Variants in ZNF799 observed in about 807,000 individuals in gnomAD.
ZNF799 encodes the protein zinc finger protein 799, also known as zinc finger protein 14.
A neutral mutation model predicts 41.0 loss-of-function variants in ZNF799; 28 were observed. The observed-to-expected ratio is 0.68, with a 90% CI of 0.51 to 0.94. The LOEUF (loss-of-function observed/expected upper bound fraction) is 0.94. Among genes scored for constraint, ZNF799 ranks in the 40% least tolerant of loss-of-function variants. The pLI, the probability that ZNF799 is intolerant of heterozygous loss-of-function variation, is 0.00. For missense variants in ZNF799, 716 were observed against 764.3 expected (o/e 0.94, Z 0.74); for synonymous variants, 213 against 252.9 (o/e 0.84, Z 1.50).
rs745931692 is a variant in ZNF799, at chr19:12,391,920, C to A, written c.478G>T (p.Glu160Ter). ...GGTTTCTTTCCAGTGTGAAGCCTCT[C>A]ATGTGTTTGAAGTGAGTTGTGGTAA... ...FSYHNSLQTH[E>*]RLHTGKKPYN... The change falls in exon 4 of 4, where the codon GAG becomes TAG. Residue 160 changes from glutamate (E) to a stop codon, truncating the protein, a stop_gained. Coordinates refer to ENST00000430385, the MANE Select transcript of ZNF799 (RefSeq NM_001080821.3). LOFTEE classifies it low-confidence loss of function (END_TRUNC). The A allele has an allele frequency of 6.2e-7, 1 of 1,614,202 alleles. No individual in the cohort carries two copies. The highest frequency in any genetic ancestry group is 1.1e-5 in the South Asian group (1 of 91,084).
intron 1 of ZNF799, among the ~76,000 whole-genome samples, chr19:12,400,144 CAGT>C (rs1969954349): frequency 6.6e-6 from 1 of 152,162 alleles, no homozygotes; most frequent in Admixed American, 6.5e-5. Flanking sequence ...TGAGAGAACA[CAGT>C]GGTGGATTTG....
chr19:12,397,933 T>C (rs1599608462), intron 1 of ZNF799, among the ~76,000 whole-genome samples: 1 of 151,964 alleles, frequency 6.6e-6, no homozygotes, highest in African/African-American at 2.4e-5. Flanking sequence ...TATGAAAAAA[T>C]ATACTCCATT....
At chr19:12,394,730 ATACT>A (rs1486626666) in intron 1 of ZNF799, 66 of 985,048 alleles carry the variant, frequency 6.7e-5, no homozygotes, top group Non-Finnish European at 7.1e-5. Flanking sequence ...AATATTTATA[ATACT>A]TACTAAGAAA....
At chr19:12,407,617 C>T in the ZNF799 span, among the ~76,000 whole-genome samples, 1 of 152,104 alleles carries the variant, frequency 6.6e-6, no homozygotes, top group South Asian at 2.1e-4. Flanking sequence ...AAAACTCTTT[C>T]CTTTTCTAGT....
chr19:12,410,254 CATATATATAT>C, the ZNF799 span, among the ~76,000 whole-genome samples: 473 of 61,960 alleles, frequency 7.6e-3, 7 homozygotes, highest in Admixed American at 0.023. Context: ...TGTCTGTGTG[CATATATATAT>C]ATATATATAT....
chr19:12,406,206 G>T (rs1003716478), upstream of ZNF799, among the ~76,000 whole-genome samples: 1 of 149,920 alleles, frequency 6.7e-6, no homozygotes, highest in East Asian at 2.0e-4. Flanking sequence ...AAGGCCCGGC[G>T]CGGTGGCTCA....
chr19:12,402,358 T>C (rs79853775), upstream of ZNF799, among the ~76,000 whole-genome samples: 1 of 125,164 alleles, frequency 8.0e-6, no homozygotes, highest in Non-Finnish European at 1.9e-5. Context: ...TCATATTATA[T>C]GCAAACCAGG....
chr19:12,412,329 G>A, the ZNF799 span, among the ~76,000 whole-genome samples: 5 of 152,120 alleles, frequency 3.3e-5, no homozygotes, highest in African/African-American at 1.2e-4. Flanking sequence ...ACTCAAGACC[G>A]CTAACTCTTG....
intron 1 of ZNF799, among the ~76,000 whole-genome samples, chr19:12,396,135 C>T (rs551004630): frequency 4.0e-4 from 61 of 152,162 alleles, no homozygotes; most frequent in Admixed American, 1.4e-3. Context: ...CTTTTCAACA[C>T]AAAATTATGA....
rs1568499947 is a variant in ZNF799, at chr19:12,390,455, TAG to T, written c.*9_*10del. The T allele has an allele frequency of 1.9e-6, 3 of 1,611,976 alleles. No individual in the cohort carries two copies. The highest frequency in any genetic ancestry group is 2.2e-5 in the East Asian group (1 of 44,868). On this transcript the variant is annotated 3_prime_UTR_variant, in exon 4 of 4. Coordinates refer to ENST00000430385, the MANE Select transcript of ZNF799 (RefSeq NM_001080821.3). ...AATGCTTTCCCACATTCCATACATT[TAG>T]AGAGAATGCTAGTGAGTCTTTTTAT...
chr19:12,391,454 C>T lies in ZNF799; in HGVS notation c.944G>A (p.Gly315Glu). 1 of 1,614,072 alleles carries T rather than the reference C, an allele frequency of 6.2e-7. No homozygotes were observed. Among genetic ancestry groups the T allele is most frequent in the Non-Finnish European group, 8.5e-7 (1 of 1,179,980 alleles). The change falls in exon 4 of 4, where the codon GGG (glycine) becomes GAG (glutamate). Residue 315 changes from glycine (G) to glutamate (E), a missense_variant. Gly to Glu is a moderately conservative substitution (Grantham distance 98, BLOSUM62 -2). Transcript: ENST00000430385. Reference sequence around the variant, plus strand: ...GCTTCCCAGATGATGAAACGCTTTCCCACATTGCTGACATGCATAGGGTTT... The same window carrying T: ...GCTTCCCAGATGATGAAACGCTTTCTCACATTGCTGACATGCATAGGGTTT... ...DEKPYACQQC[G>E]KAFHHLGSFQ...
At chr19:12,395,140 C>CT (rs60963007) in intron 1 of ZNF799, 2,275 of 132,936 alleles carry the variant, frequency 0.017, 63 homozygotes, top group East Asian at 0.049. Context: ...ACAAAGCTGT[C>CT]TTTTTTTTTT....
intron 1 of ZNF799, among the ~76,000 whole-genome samples, chr19:12,395,341 C>T (rs1233719510): frequency 4.6e-5 from 7 of 151,974 alleles, no homozygotes; most frequent in African/African-American, 1.7e-4. Flanking sequence ...GGGGTTTCAC[C>T]CTGTTGGCCA....
upstream of ZNF799, among the ~76,000 whole-genome samples, chr19:12,401,810 G>A (rs1367681332): frequency 6.6e-6 from 1 of 151,952 alleles, no homozygotes; most frequent in East Asian, 1.9e-4. Flanking sequence ...TCCTGACCTC[G>A]TGATCCGCCC....
Position 12,392,020 on chromosome 19 carries a change from A to G in ZNF799, c.378T>C (p.Ala126=). The G allele has an allele frequency of 6.2e-7, 1 of 1,614,202 alleles. No homozygotes were observed. Among genetic ancestry groups the G allele is most frequent in the Non-Finnish European group, 8.5e-7 (1 of 1,180,028 alleles). ...SSLNCYIRVG[A]GHKPYEYHEC... is the part of the protein sequence containing the mutation. ...CATGATACTCATATGGTTTGTGCCC[A>G]GCACCAACTCTGATGTAACAATTAA... is the stretch of plus-strand genomic sequence containing the variant. The change falls in exon 4 of 4, where the codon GCT becomes GCC. Residue 126 remains alanine, a synonymous_variant. Transcript: ENST00000430385.
the ZNF799 span, among the ~76,000 whole-genome samples, chr19:12,411,431 C>T: frequency 6.6e-6 from 1 of 152,096 alleles, no homozygotes; most frequent in Non-Finnish European, 1.5e-5. Context: ...CAGGTATTAG[C>T]AGGCAACGAT....
At chr19:12,401,579 AG>A (rs1969988419), upstream of ZNF799, among the ~76,000 whole-genome samples, 1 of 107,964 alleles carries the variant, frequency 9.3e-6, no homozygotes, top group Admixed American at 1.4e-4. Context: ...CGAGAGAGAG[AG>A]AGAGAGAGAG....
the ZNF799 span, among the ~76,000 whole-genome samples, chr19:12,411,858 C>T: frequency 0.41 from 62,908 of 151,910 alleles, 14,461 homozygotes; most frequent in Non-Finnish European, 0.52. Flanking sequence ...AGTGATCTGC[C>T]AGCCTCAGCC....
rs1251611993 is a variant in ZNF799, at chr19:12,390,084, G to C, written c.*382C>G. 8 of 281,336 alleles carry C rather than the reference G, an allele frequency of 2.8e-5. No homozygotes were observed. Among genetic ancestry groups the C allele is most frequent in the Admixed American group, 2.0e-4 (4 of 20,510 alleles). The allele number at this position is 281,336 out of a possible 1,614,324, so 17.4% of individuals were successfully genotyped here. A position where few individuals can be genotyped will look rare whatever the true frequency, so the allele number is the denominator to read the frequency against. ...CTATGTTGATAGGCTGACAATTACT[G>C]CATCTATACTGAAAATACATAGACT... On this transcript the variant is annotated 3_prime_UTR_variant, in exon 4 of 4. Coordinates refer to ENST00000430385, the MANE Select transcript of ZNF799 (RefSeq NM_001080821.3).
Sources: gnomAD v4.1 joint callset for allele counts (sites outside exome capture counted in the v4.1 genomes callset) on GRCh38, gnomAD v4.1.1 for gene constraint, MANE v1.5 for transcripts, NCBI Gene and HGNC (gene_info 2026-07-23, HGNC 2026-07-21) for gene names.